Variants in BMS1 observed in about 807,000 individuals in gnomAD.
The protein encoded by BMS1 is BMS1 ribosome biogenesis factor.
BMS1 carries 53 observed loss-of-function variants against 138.7 expected under a neutral mutation model. That is an observed-to-expected ratio of 0.38 (90% CI 0.31 to 0.48). The LOEUF is 0.48. BMS1 is among the 20% of genes least tolerant of loss of function. The pLI is 0.97. For synonymous variants in BMS1, 504 were observed against 539.9 expected (o/e 0.93, Z 0.92); for missense variants, 1,360 against 1,565.5 (o/e 0.87, Z 2.22).
chr10:42,788,038 C>T (rs1374217568), intron 4 of BMS1, among the ~76,000 whole-genome samples: 1 of 125,124 alleles, frequency 8.0e-6, no homozygotes, highest in African/African-American at 2.8e-5. Context: ...TTCTAGACAC[C>T]TGTTTGGTGA....
intron 13 of BMS1, among the ~76,000 whole-genome samples, chr10:42,813,975 G>A (rs1842263650): frequency 6.6e-6 from 1 of 152,086 alleles, no homozygotes; most frequent in Non-Finnish European, 1.5e-5. Context: ...ACTTGAAAAT[G>A]TTGTGCCACT....
At position 42,830,507 on chromosome 10, in the gene BMS1, T is replaced by A. The variant is rs1842772360; in HGVS notation, c.3618+85T>A. 79 of 1,500,506 alleles carry A rather than the reference T, an allele frequency of 5.3e-5. 1 individual carries two copies. The South Asian group carries it at 1.0e-3, about 19-fold the overall frequency. The allele number at this position is 1,500,506 out of a possible 1,614,324, so 92.9% of individuals were successfully genotyped here. On this transcript the variant is annotated intron_variant, in intron 22 of 22. Transcript: ENST00000374518. ...AGCACACTTCCTGTTTCTACTGTAG[T>A]CTCAGTTATTCAGGGCACTGGAACT...
At chr10:42,813,753 G>C (rs1842257014) in intron 13 of BMS1, among the ~76,000 whole-genome samples, 1 of 151,756 alleles carries the variant, frequency 6.6e-6, no homozygotes, top group Admixed American at 6.6e-5. Context: ...TTTTTGTATT[G>C]TGGAAATGAC....
At chr10:42,794,891 C>T (rs113863444) in intron 9 of BMS1, among the ~76,000 whole-genome samples, 14,930 of 151,938 alleles carry the variant, frequency 0.098, 872 homozygotes, top group African/African-American at 0.13. Context: ...TTAGGTATAT[C>T]TCCCAATGCT....
At chr10:42,813,363 A>G (rs1406737186) in intron 13 of BMS1, among the ~76,000 whole-genome samples, 3 of 151,634 alleles carry the variant, frequency 2.0e-5, no homozygotes, top group Non-Finnish European at 2.9e-5. Context: ...CTTTCCCTCC[A>G]TCTTGATCTA....
At position 42,811,522 on chromosome 10, in the gene BMS1, TTTTC is replaced by T. The variant is rs1250933931; in HGVS notation, c.2330-5073_2330-5070del. Among the ~76,000 whole-genome samples the T allele has an allele frequency of 3.2e-4, 38 of 118,684 alleles. 7 individuals are homozygous for T. The highest frequency in any genetic ancestry group is 1.8e-3 in the East Asian group (7 of 3,824). The allele number at this position is 118,684 out of a possible 152,430, so 77.9% of individuals were successfully genotyped here. A position where few individuals can be genotyped will look rare whatever the true frequency, so the allele number is the denominator to read the frequency against. Reference sequence around the variant, plus strand: ...CAAATGTTCACGTGTTGTATTTTCTTTTTCTTTTTTTTTTTTTTTTGAGACGGAG... The same window carrying T: ...CAAATGTTCACGTGTTGTATTTTCTTTTTTTTTTTTTTTTTTGAGACGGAG... On this transcript the variant is annotated intron_variant, in intron 13 of 22. Coordinates refer to ENST00000374518, the MANE Select transcript of BMS1 (RefSeq NM_014753.4).
intron 21 of BMS1, among the ~76,000 whole-genome samples, chr10:42,829,826 A>C (rs1842751740): frequency 8.1e-6 from 1 of 123,066 alleles, no homozygotes; most frequent in Admixed American, 8.1e-5. Context: ...ATCTCAAAAA[A>C]ACAAAACAAA....
chr10:42,805,294 A>C (rs976638800), intron 13 of BMS1, among the ~76,000 whole-genome samples: 3 of 152,068 alleles, frequency 2.0e-5, no homozygotes, highest in Non-Finnish European at 2.9e-5. Flanking sequence ...TATATGGGTG[A>C]ATATTTCTGG....
intron 12 of BMS1, among the ~76,000 whole-genome samples, chr10:42,799,032 C>T (rs1841789268): frequency 6.6e-6 from 1 of 152,202 alleles, no homozygotes; most frequent in South Asian, 2.1e-4. Flanking sequence ...CTGCAGCTTA[C>T]CATTTTGTAG....
rs1841684930 is a variant in BMS1 at position 42,796,464 on chromosome 10, G to A, written c.1230-10G>A. The A allele has an allele frequency of 1.2e-6, 2 of 1,601,340 alleles. No individual in the cohort carries two copies. The highest frequency in any genetic ancestry group is 1.3e-5 in the African/African-American group (1 of 74,538). On this transcript the variant is annotated splice_polypyrimidine_tract_variant and intron_variant, in intron 9 of 22. Coordinates refer to ENST00000374518, the MANE Select transcript of BMS1 (RefSeq NM_014753.4). ...AAATTGAATTATTTTGTATTTCCTTGGTAATACAGGCTAATGATGCCAAAG... is the reference window on the plus strand; with the variant it reads ...AAATTGAATTATTTTGTATTTCCTTAGTAATACAGGCTAATGATGCCAAAG...
chr10:42,822,467 A>G (rs1688183685), intron 19 of BMS1, among the ~76,000 whole-genome samples: 1 of 152,178 alleles, frequency 6.6e-6, no homozygotes, highest in South Asian at 2.1e-4. Flanking sequence ...ATGTCATTTT[A>G]TCCACTGGGT....
chr10:42,809,856 G>C (rs1242663918), intron 13 of BMS1, among the ~76,000 whole-genome samples: 6 of 152,004 alleles, frequency 3.9e-5, no homozygotes, highest in Non-Finnish European at 8.8e-5. Context: ...TGCGATCATG[G>C]CTCACCACAG....
Position 42,784,508 on chromosome 10 carries a change from G to A in BMS1, c.114G>A (p.Arg38=), listed in dbSNP as rs756714741. ...DLQLGDEEDA[R]KRNPKAFAVQ... ...AGCTAGGAGACGAAGAAGATGCCCGGAAGAGAAATCCCAAAGCTTTTGCAG... is the reference window on the plus strand; with the variant it reads ...AGCTAGGAGACGAAGAAGATGCCCGAAAGAGAAATCCCAAAGCTTTTGCAG... Residue 38 remains arginine, a synonymous_variant, in exon 2 of 23, where the codon CGG becomes CGA. Transcript: ENST00000374518. 2.3e-5 allele frequency: 37 copies of A among 1,613,848 alleles called. No homozygotes were observed. In the Admixed American group the frequency reaches 5.5e-4, roughly 24 times the overall value.
chr10:42,797,248 T>C lies in BMS1; in HGVS notation c.1987+17T>C. On this transcript the variant is annotated intron_variant, in intron 10 of 22. Coordinates refer to ENST00000374518, the MANE Select transcript of BMS1 (RefSeq NM_014753.4). The stretch of plus-strand genomic sequence containing the variant: ...AAACGTCAGGTAAGCTTAAATGTAG[T>C]TGGTTGCTGCTATGAACTTGGCTCT... The C allele has an allele frequency of 6.3e-7, 1 of 1,594,364 alleles. No individual in the cohort carries two copies.
intron 21 of BMS1, among the ~76,000 whole-genome samples, chr10:42,828,418 G>A (rs2132396062): frequency 6.6e-6 from 1 of 152,268 alleles, no homozygotes; most frequent in African/African-American, 2.4e-5. Context: ...TATGGGACTT[G>A]CAGGTACGGA....
chr10:42,796,809 A>C lies in BMS1; in HGVS notation c.1565A>C (p.Asp522Ala). Residue 522 changes from aspartate to alanine, a missense_variant, in exon 10 of 23, where the codon GAT becomes GCT. Asp to Ala is a moderately radical substitution (Grantham distance 126). Transcript: ENST00000374518. The stretch of plus-strand genomic sequence containing the variant: ...GAAGAAGGGGAAGCGGAGGAAGCTG[A>C]TGAAAGCAGTGAAGAAGAGGACTGC... ...SAEEGEAEEA[D>A]ESSEEEDCTA... 1.9e-6 allele frequency: 3 copies of C among 1,614,218 alleles called. No homozygotes were observed. The highest frequency in any genetic ancestry group is 1.7e-5 in the Admixed American group (1 of 60,030).
At chr10:42,814,961 G>A (rs1302495904) in intron 13 of BMS1, among the ~76,000 whole-genome samples, 1 of 152,158 alleles carries the variant, frequency 6.6e-6, no homozygotes, top group Non-Finnish European at 1.5e-5. Flanking sequence ...CTTCCTATTG[G>A]ATGAGGTCCA....
Position 42,785,564 on chromosome 10 carries a change from G to A in BMS1, c.259G>A (p.Val87Met). The change falls in exon 3 of 23, where the codon GTG becomes ATG. Residue 87 changes from valine (V) to methionine (M), a missense_variant. By Grantham distance (21) the Val-to-Met change is conservative. Transcript: ENST00000374518. ...PLEPPPIVVV[V>M]MGPPKVGKST... ...AGAGCCCCCACCAATAGTGGTAGTG[G>A]TGATGGGACCTCCAAAAGTTGGAAA... is the stretch of plus-strand genomic sequence containing the variant. 1 of 1,613,932 alleles carries A rather than the reference G, an allele frequency of 6.2e-7. No homozygotes were observed.
At chr10:42,812,682 C>T (rs754708592) in intron 13 of BMS1, among the ~76,000 whole-genome samples, 1 of 152,128 alleles carries the variant, frequency 6.6e-6, no homozygotes, top group South Asian at 2.1e-4. Context: ...CTGCATGCCA[C>T]GCAGGGTCAG....
Sources: allele counts gnomAD v4.1 joint callset (sites outside exome capture counted in the v4.1 genomes callset), GRCh38; gene constraint gnomAD v4.1.1; transcripts MANE v1.5; gene names NCBI Gene and HGNC (gene_info 2026-07-23, HGNC 2026-07-21).